SPAG16: variants seen among roughly 807,000 people sequenced by gnomAD.
SPAG16 encodes sperm associated antigen 16, also known as sperm-associated antigen 16 protein.
A neutral mutation model predicts 80.4 loss-of-function variants in SPAG16; 86 were observed. The observed-to-expected ratio is 1.07, with a 90% CI of 0.90 to 1.28. The LOEUF (loss-of-function observed/expected upper bound fraction) is 1.28. Ranked by LOEUF, SPAG16 falls within the 50% of genes most tolerant of loss-of-function variation. SPAG16 has a pLI of 0.00. For missense variants in SPAG16, 870 were observed against 765.3 expected (o/e 1.14, Z -1.61); for synonymous variants, 294 against 265.9 (o/e 1.11, Z -1.03).
At chr2:214,027,253 A>G (rs1437112174) in intron 13 of SPAG16, among the ~76,000 whole-genome samples, 1 of 151,556 alleles carries the variant, frequency 6.6e-6, no homozygotes, top group Non-Finnish European at 1.5e-5. Flanking sequence ...ATATTATAGA[A>G]GTTAATTCTT....
chr2:213,620,417 T>C (rs1399993177), intron 10 of SPAG16, among the ~76,000 whole-genome samples: 2 of 148,700 alleles, frequency 1.3e-5, no homozygotes, highest in African/African-American at 5.0e-5. Context: ...CTCAGACTCC[T>C]GAGTAGCTGG....
chr2:213,653,304 T>C (rs893807404), intron 10 of SPAG16, among the ~76,000 whole-genome samples: 9 of 152,180 alleles, frequency 5.9e-5, no homozygotes, highest in African/African-American at 2.2e-4. Context: ...TGAACTTTTT[T>C]CTTCAGTAGT....
chr2:213,401,052 G>C (rs1338433157), intron 9 of SPAG16, among the ~76,000 whole-genome samples: 4 of 152,114 alleles, frequency 2.6e-5, no homozygotes, highest in Non-Finnish European at 5.9e-5. Context: ...CAAGAGATCT[G>C]TCTGTCTTGG....
intron 10 of SPAG16, among the ~76,000 whole-genome samples, chr2:213,588,490 T>C (rs557193229): frequency 6.2e-4 from 94 of 150,942 alleles, no homozygotes; most frequent in Non-Finnish European, 1.1e-3. Flanking sequence ...AAGTACAATA[T>C]AGTGATATTG....
intron 13 of SPAG16, among the ~76,000 whole-genome samples, chr2:214,085,834 G>A (rs1485664983): frequency 2.0e-5 from 3 of 152,270 alleles, no homozygotes; most frequent in African/African-American, 7.2e-5. Flanking sequence ...CTGCTAATAT[G>A]AAGTGGACAT....
At chr2:214,225,739 A>G (rs1295282748) in intron 15 of SPAG16, among the ~76,000 whole-genome samples, 2 of 152,132 alleles carry the variant, frequency 1.3e-5, no homozygotes, top group African/African-American at 2.4e-5. Context: ...AAATACATTT[A>G]CTTTACTTAT....
chr2:214,338,291 A>G (rs1002935511), intron 15 of SPAG16, among the ~76,000 whole-genome samples: 1 of 152,116 alleles, frequency 6.6e-6, no homozygotes, highest in African/African-American at 2.4e-5. Flanking sequence ...TGAGGCAGGC[A>G]GATGATCAGG....
intron 10 of SPAG16, among the ~76,000 whole-genome samples, chr2:213,696,697 T>C (rs2065168306): frequency 6.6e-6 from 1 of 152,148 alleles, no homozygotes; most frequent in South Asian, 2.1e-4. Context: ...GCTGAGAAAC[T>C]AGTAATGTTA....
At chr2:213,701,242 AAAAT>A (rs66638113) in intron 10 of SPAG16, among the ~76,000 whole-genome samples, 57,971 of 151,292 alleles carry the variant, frequency 0.38, 11,562 homozygotes, top group Middle Eastern at 0.48. Flanking sequence ...TCCATCTAAA[AAAAT>A]AAATAAATAA....
chr2:213,533,499 C>G (rs2076142802), intron 10 of SPAG16, among the ~76,000 whole-genome samples: 1 of 152,140 alleles, frequency 6.6e-6, no homozygotes, highest in Non-Finnish European at 1.5e-5. Flanking sequence ...ATTATGGAGT[C>G]CCTGCAACAT....
intron 10 of SPAG16, among the ~76,000 whole-genome samples, chr2:213,775,884 G>A (rs1156853503): frequency 6.6e-6 from 1 of 152,174 alleles, no homozygotes; most frequent in Non-Finnish European, 1.5e-5. Context: ...GAAACACAAT[G>A]TACAAACTCT....
intron 11 of SPAG16, among the ~76,000 whole-genome samples, chr2:213,882,750 G>A (rs2076392093): frequency 6.6e-6 from 1 of 151,960 alleles, no homozygotes; most frequent in Non-Finnish European, 1.5e-5. Flanking sequence ...CAAACTTTTG[G>A]TTTCATTGGT....
chr2:214,012,286 A>ATTTTTTTTT (rs1162955315), intron 12 of SPAG16, among the ~76,000 whole-genome samples: 44 of 54,922 alleles, frequency 8.0e-4, no homozygotes, highest in East Asian at 5.5e-3. Context: ...ATATATATAT[A>ATTTTTTTTT]TATTTTTTTT....
At position 213,619,529 on chromosome 2, in the gene SPAG16, A is replaced by G. The variant is rs116180635; in HGVS notation, c.1070+129439A>G. The stretch of plus-strand genomic sequence containing the variant: ...AGCGTATGAATAGACATTCCTCAAA[A>G]GAAGATATTCAGATAACCAATAATA... On this transcript the variant is annotated intron_variant, in intron 10 of 15. Coordinates refer to ENST00000331683, the MANE Select transcript of SPAG16 (RefSeq NM_024532.5). Among the ~76,000 whole-genome samples the G allele has an allele frequency of 4.1e-3, 629 of 152,348 alleles. 6 individuals carry two copies. The highest frequency in any genetic ancestry group is 0.015 in the African/African-American group (611 of 41,588).
intron 1 of SPAG16, among the ~76,000 whole-genome samples, chr2:213,287,493 A>T (rs747816578): frequency 6.6e-6 from 1 of 152,240 alleles, no homozygotes; most frequent in South Asian, 2.1e-4. Context: ...GTAAATGAAT[A>T]CATGGACCCT....
At position 213,531,222 on chromosome 2, in the gene SPAG16, A is replaced by G. The variant is rs921152068; in HGVS notation, c.1070+41132A>G. ...TTTGAGCACCTTTCATAGATGTGCA[A>G]TGTGCTCAGGCTTCAATTTGGGATT... On this transcript the variant is annotated intron_variant, in intron 10 of 15. Coordinates refer to ENST00000331683, the MANE Select transcript of SPAG16 (RefSeq NM_024532.5). 3.3e-5 allele frequency among the ~76,000 whole-genome samples: 5 copies of G among 152,198 alleles called. No homozygotes were observed. In the East Asian group the frequency reaches 5.8e-4, roughly 18 times the overall value.
rs537091188 is a variant in SPAG16, at chr2:214,030,656, G to T, written c.1527+16579G>T. ...AAGTCTATGAGTCTTTACTTAAATG[G>T]CTCTGTGTTCAGAGATGATGAACTT... On this transcript the variant is annotated intron_variant, in intron 13 of 15. Transcript: ENST00000331683. Among the ~76,000 whole-genome samples the T allele has an allele frequency of 5.3e-5, 8 of 152,260 alleles. 1 individual carries two copies. In the South Asian group the frequency reaches 1.5e-3, roughly 28 times the overall value.
intron 13 of SPAG16, among the ~76,000 whole-genome samples, chr2:214,091,860 T>A (rs1464391326): frequency 1.3e-5 from 2 of 152,208 alleles, no homozygotes; most frequent in East Asian, 3.9e-4. Flanking sequence ...TAATGTGTTT[T>A]ATGAAATATT....
At chr2:214,030,033 A>G (rs548677130) in intron 13 of SPAG16, among the ~76,000 whole-genome samples, 7 of 152,128 alleles carry the variant, frequency 4.6e-5, no homozygotes, top group Non-Finnish European at 1.0e-4. Flanking sequence ...TAAGTGCACA[A>G]TACTATGTTG....
Sources: allele counts gnomAD v4.1 joint callset (sites outside exome capture counted in the v4.1 genomes callset), GRCh38; gene constraint gnomAD v4.1.1; transcripts MANE v1.5; gene names NCBI Gene and HGNC (gene_info 2026-07-23, HGNC 2026-07-21).